The following HPX variants were observed in gnomAD, a reference collection of about 807,000 sequenced individuals.
HPX encodes beta-1B-glycoprotein.
HPX carries 42 observed loss-of-function variants against 53.8 expected under a neutral mutation model. The ratio of observed to expected loss-of-function variants is 0.78; its 90% confidence interval spans 0.61 to 1.01. HPX has a LOEUF of 1.01. HPX is among the 50% of genes least tolerant of loss of function. The probability of loss-of-function intolerance (pLI) is 0.00; values close to 1 mark genes in which losing one functional copy is unlikely to be tolerated. For synonymous variants in HPX, 229 were observed against 221.1 expected (o/e 1.04, Z -0.32); for missense variants, 547 against 594.3 (o/e 0.92, Z 0.83).
chr11:6,435,473 T>G (rs1488771839), intron 7 of HPX, among the ~76,000 whole-genome samples: 1 of 152,108 alleles, frequency 6.6e-6, no homozygotes, highest in African/African-American at 2.4e-5. Flanking sequence ...TTTTTGTTTT[T>G]GTTTTTTTTG....
rs553184854 is a variant in HPX at position 6,431,476 on chromosome 11, G to C, written c.1130-6C>G. 5 of 1,614,068 alleles carry C rather than the reference G, an allele frequency of 3.1e-6. No individual in the cohort carries two copies. The East Asian group carries it at 8.9e-5, about 29-fold the overall frequency. ...CAGCCACCACAGCCGCCGTCCTGGGGAGAAGGCACCAAACATAGCATGGCT... is the reference window on the plus strand; with the variant it reads ...CAGCCACCACAGCCGCCGTCCTGGGCAGAAGGCACCAAACATAGCATGGCT... On this transcript the variant is annotated splice_polypyrimidine_tract_variant and splice_region_variant and intron_variant, in intron 9 of 9. Coordinates refer to ENST00000265983, the MANE Select transcript of HPX (RefSeq NM_000613.3).
At chr11:6,440,356 G>A in intron 3 of HPX, 70 bp from the exon 4 acceptor site, 1 of 1,603,676 alleles carries the variant, frequency 6.2e-7, no homozygotes, top group Non-Finnish European at 8.5e-7. Flanking sequence ...CTTGAGAGAA[G>A]CTGTCAGTGA....
At position 6,438,484 on chromosome 11, in the gene HPX, G is replaced by T. The variant is rs370305534; in HGVS notation, c.362C>A (p.Pro121His). 3.7e-5 allele frequency: 59 copies of T among 1,613,998 alleles called. No homozygotes were observed. In the Middle Eastern group the frequency reaches 4.9e-4, roughly 13 times the overall value. Residue 121 changes from proline to histidine, a missense_variant, in exon 5 of 10, where the codon CCT becomes CAT. Transcript: ENST00000265983. ...IKGDKVWVYPPEKKEKGYPKL... is the reference protein window; with the variant it reads ...IKGDKVWVYPHEKKEKGYPKL... ...TGGGTATCCTTTCTCCTTCTTTTCA[G>T]GAGGGTATACCCAGACTTTGTCCCC...
intron 7 of HPX, among the ~76,000 whole-genome samples, chr11:6,434,286 T>C (rs1251015130): frequency 6.6e-6 from 1 of 151,916 alleles, no homozygotes; most frequent in Non-Finnish European, 1.5e-5. Flanking sequence ...CCCTGGGAGG[T>C]TTCCCACTGA....
At chr11:6,435,532 A>C (rs66951672) in intron 7 of HPX, among the ~76,000 whole-genome samples, 38,898 of 151,938 alleles carry the variant, frequency 0.26, 5,401 homozygotes, top group African/African-American at 0.35. Context: ...TAGCACGATC[A>C]CGGCTCACTG....
At chr11:6,435,555 T>G (rs932545283) in intron 7 of HPX, among the ~76,000 whole-genome samples, 49 of 152,080 alleles carry the variant, frequency 3.2e-4, no homozygotes, top group African/African-American at 1.1e-3. Context: ...GCCTCGACCT[T>G]CCGGGCTCAG....
intron 7 of HPX, among the ~76,000 whole-genome samples, chr11:6,435,231 C>T (rs1000336543): frequency 2.6e-5 from 4 of 152,010 alleles, no homozygotes; most frequent in Admixed American, 2.6e-4. Flanking sequence ...ACCAAGATTG[C>T]GCCATTGCAC....
intron 9 of HPX, 50 bp downstream of exon 9, chr11:6,431,591 C>CAGACAGGT: frequency 6.2e-7 from 1 of 1,609,714 alleles, no homozygotes; most frequent in African/African-American, 1.3e-5. Context: ...ATCTATGCCA[C>CAGACAGGT]AGACAGGTAG....
chr11:6,440,870 G>C lies in HPX; in HGVS notation c.83+11C>G, dbSNP rs756437104. On this transcript the variant is annotated intron_variant, in intron 1 of 9. Coordinates refer to ENST00000265983, the MANE Select transcript of HPX (RefSeq NM_000613.3). ...ACTCAATCCTTCGCTTCTAGTCCCA[G>C]CTTTACTCACGGAGGAAGAGGGGTG... 4 of 1,612,536 alleles carry C rather than the reference G, an allele frequency of 2.5e-6. No individual in the cohort carries two copies. The highest frequency in any genetic ancestry group is 3.3e-5 in the Admixed American group (2 of 59,934).
rs1849427359 is a variant in HPX, at chr11:6,437,180, GGAGA to G, written c.704-7_704-4del. On this transcript the variant is annotated splice_region_variant and splice_polypyrimidine_tract_variant and intron_variant, in intron 6 of 9. Coordinates refer to ENST00000265983, the MANE Select transcript of HPX (RefSeq NM_000613.3). ...AGTCCCATTCCTGTGTCCATGGCCT[GGAGA>G]GAGAAATGGGTGAGGAGAACACAGA... 1 of 1,612,632 alleles carries G rather than the reference GGAGA, an allele frequency of 6.2e-7. No individual in the cohort carries two copies.
In HPX at chr11:6,431,682, G is replaced by T; in HGVS notation, c.1088C>A (p.Ala363Asp). The T allele has an allele frequency of 1.9e-6, 3 of 1,614,130 alleles. No homozygotes were observed. The highest frequency in any genetic ancestry group is 2.5e-6 in the Non-Finnish European group (3 of 1,180,028). ...CCGAGAAGACCCAGGGCAGATAAAG[G>T]CCGCATCCACAGAGTCCAGGATAAT... ...HGIILDSVDA[A>D]FICPGSSRLH... The change falls in exon 9 of 10, where the codon GCC (alanine) becomes GAC (aspartate). Residue 363 changes from alanine to aspartate, a missense_variant. Transcript: ENST00000265983.
intron 7 of HPX, among the ~76,000 whole-genome samples, chr11:6,436,189 G>T (rs190154560): frequency 9.2e-5 from 14 of 152,328 alleles, no homozygotes; most frequent in Middle Eastern, 3.4e-3. Context: ...TTTTTCAACA[G>T]AACTTGATAG....
intron 6 of HPX, 107 bp downstream of exon 6, chr11:6,437,333 A>G: frequency 7.3e-7 from 1 of 1,364,098 alleles, no homozygotes; most frequent in Non-Finnish European, 1.0e-6. Context: ...ATTAAGGGCC[A>G]AGGTGTCGCA....
chr11:6,440,101 G>C (rs1161435132), intron 4 of HPX, 64 bp downstream of exon 4: 1 of 1,609,014 alleles, frequency 6.2e-7, no homozygotes, highest in South Asian at 1.1e-5. Context: ...GCCATTTGGG[G>C]GAAGGGTCCC....
chr11:6,434,833 G>T (rs1205809443), intron 7 of HPX, among the ~76,000 whole-genome samples: 4 of 152,232 alleles, frequency 2.6e-5, no homozygotes, highest in Non-Finnish European at 5.9e-5. Context: ...GGAGGTATCA[G>T]TTGGAACTGA....
At chr11:6,434,550 A>G (rs2134133603) in intron 7 of HPX, among the ~76,000 whole-genome samples, 1 of 152,198 alleles carries the variant, frequency 6.6e-6, no homozygotes, top group South Asian at 2.1e-4. Flanking sequence ...AGGCTGGTCT[A>G]GAACTCCTGG....
chr11:6,433,351 A>G (rs181132430), intron 7 of HPX, among the ~76,000 whole-genome samples: 130 of 152,258 alleles, frequency 8.5e-4, no homozygotes, highest in Non-Finnish European at 1.6e-3. Context: ...CTAATTTTGT[A>G]TTTTTAGTAG....
intron 4 of HPX, among the ~76,000 whole-genome samples, chr11:6,438,952 AG>A (rs1849451991): frequency 6.6e-6 from 1 of 152,242 alleles, no homozygotes; most frequent in Admixed American, 6.5e-5. Flanking sequence ...CTTTCACTTC[AG>A]GAAGTTCACT....
At position 6,431,292 on chromosome 11, in the gene HPX, G is replaced by GTT; in HGVS notation, c.1307_1308insAA (p.Tyr436Ter). The change falls in exon 10 of 10, where the codon TAC becomes TAAAC. Residue 436 changes from tyrosine to a stop codon, truncating the protein, a stop_gained and frameshift_variant. Transcript: ENST00000265983. LOFTEE classifies it high-confidence loss of function. The stretch of plus-strand genomic sequence containing the variant: ...CTGCATTCAGTTTCTCCACATCACT[G>GTT]TAGCAGTACAAATTGGGACCATGGA... ...YLIHGPNLYC[Y>*]SDVEKLNAAK... is the part of the protein sequence containing the mutation. The GTT allele has an allele frequency of 1.2e-6, 2 of 1,614,266 alleles. No individual in the cohort carries two copies. The highest frequency in any genetic ancestry group is 2.2e-5 in the South Asian group (2 of 91,088).
Sources: gnomAD v4.1 joint callset for allele counts (sites outside exome capture counted in the v4.1 genomes callset) on GRCh38, gnomAD v4.1.1 for gene constraint, MANE v1.5 for transcripts, NCBI Gene and HGNC (gene_info 2026-07-23, HGNC 2026-07-21) for gene names.